The following FLRT2 variants were observed in gnomAD, a reference collection of about 807,000 sequenced individuals.
FLRT2 encodes the protein fibronectin leucine rich transmembrane protein 2.
In FLRT2, 15 loss-of-function variants were observed where a neutral mutation model predicts 40.0. That is an observed-to-expected ratio of 0.38 (90% confidence interval 0.25 to 0.58). The LOEUF (loss-of-function observed/expected upper bound fraction) is 0.58, where lower values mean the gene tolerates loss of function less well. FLRT2 is among the 20% of genes least tolerant of loss of function. FLRT2 has a pLI of 0.71. For missense variants in FLRT2, 726 were observed against 840.0 expected (o/e 0.86, Z 1.68); for synonymous variants, 380 against 336.8 (o/e 1.13, Z -1.41).
chr14:85,587,908 G>A (rs755803404), intron 1 of FLRT2, among the ~76,000 whole-genome samples: 1 of 151,770 alleles, frequency 6.6e-6, no homozygotes, highest in Non-Finnish European at 1.5e-5. Context: ...TGTTCTGGGG[G>A]ACTGCTTTTA....
In FLRT2 at chr14:85,632,915, A is replaced by T. The variant is rs1893916267; in HGVS notation, c.*9418A>T. The T allele has an allele frequency of 6.6e-6, 1 of 152,266 alleles. No individual in the cohort carries two copies. The highest frequency in any genetic ancestry group is 6.5e-5 in the Admixed American group (1 of 15,292). The allele number at this position is 152,266 out of a possible 1,614,324, so 9.4% of individuals were successfully genotyped here. A position where few individuals can be genotyped will look rare whatever the true frequency, so the allele number is the denominator to read the frequency against. On this transcript the variant is annotated 3_prime_UTR_variant, in exon 2 of 2. Coordinates refer to ENST00000330753, the MANE Select transcript of FLRT2 (RefSeq NM_013231.6). ...AGTGTACTTTTCCTAAAATGGGGAC[A>T]ATGATGTCTAACACATATGGTGGTT...
At chr14:85,580,630 A>C (rs1180478776) in intron 1 of FLRT2, among the ~76,000 whole-genome samples, 1 of 152,200 alleles carries the variant, frequency 6.6e-6, no homozygotes, top group Non-Finnish European at 1.5e-5. Context: ...TGAATTGCTG[A>C]AGTTTCTTGT....
chr14:85,567,246 G>A (rs1436571225), intron 1 of FLRT2, among the ~76,000 whole-genome samples: 3 of 152,082 alleles, frequency 2.0e-5, no homozygotes, highest in Admixed American at 2.0e-4. Flanking sequence ...TTTCCTGAAC[G>A]CTGTGGTTTC....
At chr14:85,610,720 C>T (rs1892820918) in intron 1 of FLRT2, among the ~76,000 whole-genome samples, 1 of 152,108 alleles carries the variant, frequency 6.6e-6, no homozygotes, top group Admixed American at 6.5e-5. Context: ...ACCCTGAATC[C>T]CCCATCCTTA....
rs1893371294 is a variant in FLRT2 at position 85,621,386 on chromosome 14, C to T, written c.-129C>T. On this transcript the variant is annotated 5_prime_UTR_variant, in exon 2 of 2. Coordinates refer to ENST00000330753, the MANE Select transcript of FLRT2 (RefSeq NM_013231.6). ...GGGAGATTATTTTACCATACGCCCT[C>T]AGGACGTTCCCTCTAGCTGGAGTTC... The T allele has an allele frequency of 2.4e-5, 19 of 784,064 alleles. No homozygotes were observed. In the South Asian group the frequency reaches 2.5e-4, roughly 10 times the overall value. The allele number at this position is 784,064 out of a possible 1,614,324, so 48.6% of individuals were successfully genotyped here.
intron 1 of FLRT2, among the ~76,000 whole-genome samples, chr14:85,549,638 T>C (rs1369547313): frequency 5.9e-5 from 9 of 152,226 alleles, no homozygotes; most frequent in Admixed American, 1.3e-4. Context: ...TGTTTGTGGC[T>C]ACTTCCTCAA....
At chr14:85,576,519 A>AG (rs1242066091) in intron 1 of FLRT2, among the ~76,000 whole-genome samples, 1 of 152,214 alleles carries the variant, frequency 6.6e-6, no homozygotes, top group Non-Finnish European at 1.5e-5. Context: ...AAAGCTTTCA[A>AG]CACCTTCTTC....
At chr14:85,585,202 A>G (rs1457714081) in intron 1 of FLRT2, among the ~76,000 whole-genome samples, 1 of 152,144 alleles carries the variant, frequency 6.6e-6, no homozygotes, top group African/African-American at 2.4e-5. Context: ...TCAACACTCA[A>G]TAAGCCTTTT....
At position 85,635,841 on chromosome 14, in the gene FLRT2, C is replaced by T. The variant is rs1033788029; in HGVS notation, c.*12344C>T. On this transcript the variant is annotated 3_prime_UTR_variant, in exon 2 of 2. Transcript: ENST00000330753. ...AAATGTTCATTTCAAAATGTTTAGT[C>T]TTTAAAGCGGTTACCTAAGAATATC... The T allele has an allele frequency of 6.6e-6, 1 of 152,094 alleles. No individual in the cohort carries two copies. Among genetic ancestry groups the T allele is most frequent in the African/African-American group, 2.4e-5 (1 of 41,432 alleles). 9.4% of individuals were successfully genotyped at this position (152,094 alleles called of 1,614,324 possible). A position where few individuals can be genotyped will look rare whatever the true frequency, so the allele number is the denominator to read the frequency against.
intron 1 of FLRT2, among the ~76,000 whole-genome samples, chr14:85,618,930 A>G (rs745739574): frequency 6.6e-6 from 1 of 152,190 alleles, no homozygotes; most frequent in African/African-American, 2.4e-5. Context: ...TAAGGATGCC[A>G]TCAGGCTGAT....
rs970241137 is a variant in FLRT2, at chr14:85,651,369, C to T, written c.*27872C>T. On this transcript the variant is annotated 3_prime_UTR_variant, in exon 2 of 2. Transcript: ENST00000330753. ...AGAGATTTTGCCTGATTGTTATCTA[C>T]AGAATTCTATGCAACTCCATTACAT... 1 of 151,832 alleles carries T rather than the reference C, an allele frequency of 6.6e-6. No individual in the cohort carries two copies. The highest frequency in any genetic ancestry group is 2.4e-5 in the African/African-American group (1 of 41,348). The allele number at this position is 151,832 out of a possible 1,614,324, so 9.4% of individuals were successfully genotyped here. A position where few individuals can be genotyped will look rare whatever the true frequency, so the allele number is the denominator to read the frequency against.
intron 1 of FLRT2, among the ~76,000 whole-genome samples, chr14:85,531,685 ACTGT>A (rs1594975076): frequency 6.6e-6 from 1 of 152,058 alleles, no homozygotes; most frequent in African/African-American, 2.4e-5. Flanking sequence ...GATGGCACTC[ACTGT>A]CTGTTCCCTT....
chr14:85,568,273 T>A (rs1890723700), intron 1 of FLRT2, among the ~76,000 whole-genome samples: 1 of 152,040 alleles, frequency 6.6e-6, no homozygotes, highest in Non-Finnish European at 1.5e-5. Context: ...TAGTTTTGGC[T>A]CCAGTTCTGC....
intron 1 of FLRT2, among the ~76,000 whole-genome samples, chr14:85,531,644 T>C (rs950386095): frequency 1.3e-5 from 2 of 152,152 alleles, no homozygotes; most frequent in Non-Finnish European, 2.9e-5. Context: ...ACTGTCGTCG[T>C]TGGCGCTTTG....
At chr14:85,585,388 G>T (rs555640958) in intron 1 of FLRT2, among the ~76,000 whole-genome samples, 58 of 152,248 alleles carry the variant, frequency 3.8e-4, no homozygotes, top group Admixed American at 1.0e-3. Flanking sequence ...CGTTCAGGCT[G>T]CCTTCCCCAT....
chr14:85,560,901 C>T (rs1890272371), intron 1 of FLRT2: 1 of 152,098 alleles, frequency 6.6e-6, no homozygotes, highest in Non-Finnish European at 1.5e-5. Context: ...AAAATGCAGA[C>T]AAGCAATTAC....
intron 1 of FLRT2, among the ~76,000 whole-genome samples, chr14:85,600,855 G>A (rs372477036): frequency 5.4e-4 from 82 of 152,262 alleles, no homozygotes; most frequent in Non-Finnish European, 9.7e-4. Context: ...AGACCTGGTT[G>A]GGGGTCGAGT....
Position 85,624,634 on chromosome 14 carries a change from G to T in FLRT2, c.*1137G>T, listed in dbSNP as rs1250682623. ...ATCTTTTATCCCCTTGCAAATTCTT[G>T]TCTTCCAATCATCTCCCATATATTT... On this transcript the variant is annotated 3_prime_UTR_variant, in exon 2 of 2. Transcript: ENST00000330753. 1 of 166,706 alleles carries T rather than the reference G, an allele frequency of 6.0e-6. No homozygotes were observed. Among genetic ancestry groups the T allele is most frequent in the Admixed American group, 6.5e-5 (1 of 15,284 alleles). The allele number at this position is 166,706 out of a possible 1,614,324, so 10.3% of individuals were successfully genotyped here.
chr14:85,564,480 G>A (rs1890524821), intron 1 of FLRT2, among the ~76,000 whole-genome samples: 1 of 152,124 alleles, frequency 6.6e-6, no homozygotes. Context: ...GTAATTAAAA[G>A]CCTAAGTCAT....
Sources: gnomAD v4.1 joint callset for allele counts (sites outside exome capture counted in the v4.1 genomes callset) on GRCh38, gnomAD v4.1.1 for gene constraint, MANE v1.5 for transcripts, NCBI Gene and HGNC (gene_info 2026-07-23, HGNC 2026-07-21) for gene names.